Variants in CUX1 observed in about 807,000 individuals in gnomAD.
CUX1 encodes the protein protein CASP.
CUX1 carries 31 observed loss-of-function variants against 158.8 expected under a neutral mutation model. That is an observed-to-expected ratio of 0.20 (90% CI 0.15 to 0.26). CUX1 has a LOEUF of 0.26. Ranked by LOEUF, CUX1 falls within the 10% of genes least tolerant of loss-of-function variation. The probability of loss-of-function intolerance (pLI) is 1.00; values close to 1 mark genes in which losing one functional copy is unlikely to be tolerated. For synonymous variants in CUX1, 879 were observed against 862.1 expected, an observed-to-expected ratio of 1.02 and a Z score of -0.34; for missense variants, 1,589 against 2,014.6, an observed-to-expected ratio of 0.79 and a Z score of 4.04.
At chr7:102,077,528 T>TAAA (rs35999980) in intron 4 of CUX1, among the ~76,000 whole-genome samples, 80 of 113,920 alleles carry the variant, frequency 7.0e-4, no homozygotes, top group East Asian at 2.6e-3. Context: ...CCCATCTCTT[T>TAAA]AAAAAAAAAA....
intron 1 of CUX1, among the ~76,000 whole-genome samples, chr7:101,831,347 G>T (rs1397351776): frequency 1.3e-5 from 2 of 151,824 alleles, no homozygotes; most frequent in South Asian, 2.1e-4. Context: ...CTAAAGTGCA[G>T]TGGTGCAATC....
chr7:102,174,213 G>C (rs1792046764), intron 10 of CUX1, among the ~76,000 whole-genome samples: 1 of 152,138 alleles, frequency 6.6e-6, no homozygotes, highest in African/African-American at 2.4e-5. Context: ...TCCACTCCTG[G>C]GTTTAACCAA....
At chr7:102,277,745 A>G (rs958807531) in intron 17 of CUX1, among the ~76,000 whole-genome samples, 11 of 152,200 alleles carry the variant, frequency 7.2e-5, no homozygotes, top group African/African-American at 2.7e-4. Flanking sequence ...ATTTGCACCA[A>G]CGTGATACAT....
intron 8 of CUX1, among the ~76,000 whole-genome samples, chr7:102,154,726 A>G (rs782775007): frequency 2.0e-5 from 3 of 152,240 alleles, no homozygotes; most frequent in African/African-American, 4.8e-5. Context: ...AAGTTAAATG[A>G]CATGGAAGAC....
intron 9 of CUX1, among the ~76,000 whole-genome samples, chr7:102,166,966 C>T (rs1369366731): frequency 1.1e-4 from 17 of 152,190 alleles, no homozygotes; most frequent in African/African-American, 3.9e-4. Context: ...TGCAAATGCT[C>T]CACAGAAATT....
rs1042943750 is a variant in CUX1, at chr7:102,097,453, G to A, written c.358G>A (p.Glu120Lys). 8 of 1,613,488 alleles carry A rather than the reference G, an allele frequency of 5.0e-6. No homozygotes were observed. In the African/African-American group the frequency reaches 1.1e-4, roughly 22 times the overall value. ...DIETENQKLR[E>K]TLEEYNKEFA... ...TGAAACAGAGAACCAGAAACTTAGG[G>A]AAACTCTGGAAGAATACAACAAGGA... The change falls in exon 5 of 24, where the codon GAA becomes AAA. Residue 120 changes from glutamate to lysine, a missense_variant. Physicochemically the swap from Glu to Lys is moderately conservative, Grantham distance 56. This residue lies in a region of CUX1 where 515 missense variants were observed against 574.4 expected (regional missense o/e 0.90). Transcript: ENST00000292535.
At chr7:102,094,195 T>C (rs1828949249) in intron 4 of CUX1, among the ~76,000 whole-genome samples, 1 of 152,184 alleles carries the variant, frequency 6.6e-6, no homozygotes, top group African/African-American at 2.4e-5. Flanking sequence ...GCCTAAGAAG[T>C]TCTTTAGCAA....
intron 23 of CUX1, among the ~76,000 whole-genome samples, chr7:102,243,680 A>T (rs1392021498): frequency 3.5e-5 from 4 of 115,838 alleles, no homozygotes; most frequent in African/African-American, 1.2e-4. Flanking sequence ...ATAATAATAA[A>T]ATAAATGAAG....
At chr7:102,179,669 C>T (rs1019739124) in intron 11 of CUX1, among the ~76,000 whole-genome samples, 19 of 152,166 alleles carry the variant, frequency 1.2e-4, no homozygotes, top group African/African-American at 3.4e-4. Flanking sequence ...ATTTATGATC[C>T]GTTGAAGCAA....
At chr7:101,826,225 G>A (rs1793277896) in intron 1 of CUX1, among the ~76,000 whole-genome samples, 1 of 151,862 alleles carries the variant, frequency 6.6e-6, no homozygotes, top group Admixed American at 6.6e-5. Flanking sequence ...TTTTGAGGCA[G>A]GGTCTTGCTC....
At chr7:101,841,274 T>C (rs1795172507) in intron 1 of CUX1, among the ~76,000 whole-genome samples, 1 of 152,182 alleles carries the variant, frequency 6.6e-6, no homozygotes, top group African/African-American at 2.4e-5. Flanking sequence ...AAAACTTAAC[T>C]GTTCTGTGAT....
chr7:101,912,662 C>T (rs993019799), intron 1 of CUX1, among the ~76,000 whole-genome samples: 4 of 152,184 alleles, frequency 2.6e-5, no homozygotes, highest in East Asian at 1.9e-4. Flanking sequence ...ACAGCCTATG[C>T]GAGCATATGG....
chr7:101,943,667 A>T (rs191305758), intron 2 of CUX1, among the ~76,000 whole-genome samples: 2 of 150,424 alleles, frequency 1.3e-5, no homozygotes, highest in African/African-American at 4.9e-5. Context: ...CCCTAATAGG[A>T]TGAGTTTTGG....
At chr7:101,986,969 C>T (rs35478196) in intron 2 of CUX1, among the ~76,000 whole-genome samples, 58,741 of 151,852 alleles carry the variant, frequency 0.39, 11,559 homozygotes, top group East Asian at 0.61. Context: ...GCTCCTGCCT[C>T]GCTCACCTCC....
intron 1 of CUX1, among the ~76,000 whole-genome samples, chr7:101,865,417 G>C (rs1421971002): frequency 6.6e-6 from 1 of 152,242 alleles, no homozygotes; most frequent in African/African-American, 2.4e-5. Context: ...GACTAGCTAA[G>C]TTAAATCTTC....
chr7:102,052,057 C>T (rs538857986), intron 3 of CUX1, among the ~76,000 whole-genome samples: 3 of 152,092 alleles, frequency 2.0e-5, no homozygotes, highest in East Asian at 3.9e-4. Flanking sequence ...ACTAAAAAAA[C>T]GAAGTACAAA....
chr7:101,816,497 C>T (rs942414305), upstream of CUX1, among the ~76,000 whole-genome samples: 54 of 138,638 alleles, frequency 3.9e-4, no homozygotes, highest in Admixed American at 6.3e-4. Context: ...CGCGCGCGAG[C>T]GGGGAGCGGG....
In CUX1 at chr7:101,916,524, G is replaced by A. The variant is rs1320360932; in HGVS notation, c.141+299G>A. ...CGTGGGCAGGTGTGTGGGTGTCTCA[G>A]ACCCTCGAGCTCATCCCAGACCCTG... On this transcript the variant is annotated intron_variant, in intron 2 of 23. Transcript: ENST00000292535. The surrounding 1 kb of genome is among the most constrained non-coding windows in gnomAD (Gnocchi z 4.4). The A allele has an allele frequency of 9.2e-6, 3 of 326,894 alleles. No homozygotes were observed. The Admixed American group carries it at 1.2e-4, about 13-fold the overall frequency. 20.2% of individuals were successfully genotyped at this position (326,894 alleles called of 1,614,324 possible).
At chr7:101,943,059 C>T (rs958410632) in intron 2 of CUX1, among the ~76,000 whole-genome samples, 19 of 146,332 alleles carry the variant, frequency 1.3e-4, no homozygotes, top group Non-Finnish European at 2.4e-4. Context: ...GTTAACTTTC[C>T]TCTCCATCCT....
Sources: gnomAD v4.1 joint callset for allele counts (sites outside exome capture counted in the v4.1 genomes callset) on GRCh38, gnomAD v4.1.1 for gene constraint, gnomAD v4.1.1 regional missense constraint, Gnocchi (gnomAD v3.1) non-coding constraint, MANE v1.5 for transcripts, NCBI Gene and HGNC (gene_info 2026-07-23, HGNC 2026-07-21) for gene names.